Variants in MFSD6 observed in about 807,000 individuals in gnomAD.
MFSD6 encodes major facilitator superfamily domain containing 6.
In MFSD6, 26 loss-of-function variants were observed where a neutral mutation model predicts 56.3. That is an observed-to-expected ratio of 0.46 (90% CI 0.34 to 0.64). The LOEUF (loss-of-function observed/expected upper bound fraction) is 0.64. Among genes scored for constraint, MFSD6 ranks in the 30% least tolerant of loss-of-function variants. MFSD6 has a pLI of 0.01. For synonymous variants in MFSD6, 331 were observed against 366.9 expected, an observed-to-expected ratio of 0.90 and a Z score of 1.12; for missense variants, 750 against 986.2, an observed-to-expected ratio of 0.76 and a Z score of 3.21.
intron 2 of MFSD6, among the ~76,000 whole-genome samples, chr2:190,429,227 C>A (rs748516248): frequency 3.4e-5 from 5 of 148,812 alleles, no homozygotes; most frequent in Non-Finnish European, 6.0e-5. Flanking sequence ...TCTTTTGTTA[C>A]GTGTGTGTGT....
intron 2 of MFSD6, among the ~76,000 whole-genome samples, chr2:190,427,353 G>T (rs1685813487): frequency 6.6e-6 from 1 of 152,230 alleles, no homozygotes; most frequent in African/African-American, 2.4e-5. Flanking sequence ...GCCTTTGATG[G>T]TGTGGGCAGG....
chr2:190,477,170 G>A (rs901029366), intron 4 of MFSD6: 28 of 759,608 alleles, frequency 3.7e-5, no homozygotes, highest in African/African-American at 2.1e-4. Context: ...AAACCTGCAC[G>A]TTGTGCACAT....
At chr2:190,448,590 T>C (rs1686665998) in intron 3 of MFSD6, among the ~76,000 whole-genome samples, 1 of 152,232 alleles carries the variant, frequency 6.6e-6, no homozygotes. Flanking sequence ...AGTACAGTTA[T>C]ACAAATGTTA....
At chr2:190,419,509 G>A (rs886333088) in intron 2 of MFSD6, among the ~76,000 whole-genome samples, 5 of 152,218 alleles carry the variant, frequency 3.3e-5, no homozygotes, top group Admixed American at 3.3e-4. Flanking sequence ...CCCTTCTGTG[G>A]TATCCAGGGA....
At chr2:190,440,751 A>G (rs557039641) in intron 3 of MFSD6, among the ~76,000 whole-genome samples, 1 of 152,342 alleles carries the variant, frequency 6.6e-6, no homozygotes, top group East Asian at 1.9e-4. Context: ...TTGCCATGCA[A>G]ATATTATCCG....
Position 190,416,020 on chromosome 2 carries a change from A to G in MFSD6, c.-54+607A>G, listed in dbSNP as rs1234732188. ...CCCGCTGGGCTTGTTCTAAGACAGG[A>G]AGCTTATTTGAAAGGTAGAAGGAAA... On this transcript the variant is annotated intron_variant, in intron 2 of 7. Coordinates refer to ENST00000392328, the MANE Select transcript of MFSD6 (RefSeq NM_017694.4). The surrounding 1 kb of genome is among the most constrained non-coding windows in gnomAD (Gnocchi z 4.1). Among the ~76,000 whole-genome samples, 2 of 152,172 alleles carry G rather than the reference A, an allele frequency of 1.3e-5. No homozygotes were observed. The highest frequency in any genetic ancestry group is 2.4e-5 in the African/African-American group (1 of 41,426).
rs572583313 is a variant in MFSD6 at position 190,496,678 on chromosome 2, G to A, written c.1892-761G>A. 9.9e-4 allele frequency among the ~76,000 whole-genome samples: 150 copies of A among 151,818 alleles called. No individual in the cohort carries two copies. The highest frequency in any genetic ancestry group is 3.5e-3 in the African/African-American group (145 of 41,346). ...TGTATATGTGTGTGTATGTGTGTGTGTATATACACACACACACATATACAT... is the reference window on the plus strand; with the variant it reads ...TGTATATGTGTGTGTATGTGTGTGTATATATACACACACACACATATACAT... On this transcript the variant is annotated intron_variant, in intron 6 of 7. Transcript: ENST00000392328. The surrounding 1 kb of genome is among the most constrained non-coding windows in gnomAD (Gnocchi z 4.7).
chr2:190,493,998 T>C (rs1455337520), intron 6 of MFSD6, among the ~76,000 whole-genome samples: 1 of 146,236 alleles, frequency 6.8e-6, no homozygotes, highest in Non-Finnish European at 1.5e-5. Context: ...AGAAAGGAAA[T>C]AACCAAGATG....
intron 3 of MFSD6, among the ~76,000 whole-genome samples, chr2:190,460,157 C>T (rs1031068236): frequency 6.6e-6 from 1 of 152,220 alleles, no homozygotes; most frequent in African/African-American, 2.4e-5. Flanking sequence ...TTCCATTGCA[C>T]AGTGCGTCAG....
At chr2:190,480,771 A>G (rs181676883) in intron 4 of MFSD6, among the ~76,000 whole-genome samples, 120 of 152,352 alleles carry the variant, frequency 7.9e-4, no homozygotes, top group African/African-American at 2.7e-3. Context: ...AGAGGTTGAC[A>G]TGAGTATTAA....
Position 190,494,872 on chromosome 2 carries a change from GATAAAC to G in MFSD6, c.1892-2566_1892-2561del, listed in dbSNP as rs1325768075. ...ACACAGTGAAATAAAAGCCATTTGT[GATAAAC>G]CCACAGCCAACATAATACTGAACAG... is the stretch of plus-strand genomic sequence containing the variant. On this transcript the variant is annotated intron_variant, in intron 6 of 7. Transcript: ENST00000392328. This position sits in a 1 kb window ranked among gnomAD's most constrained non-coding sequence, Gnocchi z 5.7. 4.6e-5 allele frequency among the ~76,000 whole-genome samples: 7 copies of G among 152,134 alleles called. No homozygotes were observed. The highest frequency in any genetic ancestry group is 7.4e-5 in the Non-Finnish European group (5 of 68,022).
chr2:190,429,330 C>CTT (rs1329174552), intron 2 of MFSD6, among the ~76,000 whole-genome samples: 1 of 142,066 alleles, frequency 7.0e-6, no homozygotes, highest in Non-Finnish European at 1.5e-5. Flanking sequence ...AACAGAAATT[C>CTT]TTTTTTTTTT....
chr2:190,420,462 C>A (rs1181307193), intron 2 of MFSD6, among the ~76,000 whole-genome samples: 1 of 152,148 alleles, frequency 6.6e-6, no homozygotes, highest in Non-Finnish European at 1.5e-5. Flanking sequence ...CCTCCAAATA[C>A]CATCATATTG....
Position 190,415,291 on chromosome 2 carries a change from G to A in MFSD6, c.-175-1G>A, listed in dbSNP as rs1325989999. ...TCTTTTTTATTTTTATTTATTTACA[G>A]ACAGGATCTCTCTCAGTTACCCAGG... On this transcript the variant is annotated splice_acceptor_variant, in intron 1 of 7. Transcript: ENST00000392328. LOFTEE classifies it low-confidence loss of function (5UTR_SPLICE). This position sits in a 1 kb window ranked among gnomAD's most constrained non-coding sequence, Gnocchi z 4.5. The A allele has an allele frequency of 3.3e-5, 5 of 151,960 alleles. No individual in the cohort carries two copies. Among genetic ancestry groups the A allele is most frequent in the Non-Finnish European group, 5.9e-5 (4 of 68,034 alleles). The allele number at this position is 151,960 out of a possible 1,614,324, so 9.4% of individuals were successfully genotyped here.
chr2:190,442,005 G>A (rs1054494861), intron 3 of MFSD6, among the ~76,000 whole-genome samples: 1 of 152,092 alleles, frequency 6.6e-6, no homozygotes, highest in African/African-American at 2.4e-5. Context: ...AATTGATACT[G>A]TGAAGAAACA....
At chr2:190,477,874 A>G (rs915380900) in intron 4 of MFSD6, among the ~76,000 whole-genome samples, 2 of 152,182 alleles carry the variant, frequency 1.3e-5, no homozygotes, top group Admixed American at 1.3e-4. Flanking sequence ...CCCTACAAAA[A>G]TCACATAAGC....
chr2:190,433,040 T>C lies in MFSD6; in HGVS notation c.-53-2937T>C, dbSNP rs1422559055. On this transcript the variant is annotated intron_variant, in intron 2 of 7. Coordinates refer to ENST00000392328, the MANE Select transcript of MFSD6 (RefSeq NM_017694.4). The surrounding 1 kb of genome is among the most constrained non-coding windows in gnomAD (Gnocchi z 4.5). ...AGTCTTTTACCAATTGTTTACTTTC[T>C]GCTTTCCGTAATTTTATTTTATTGC... Among the ~76,000 whole-genome samples the C allele has an allele frequency of 6.6e-6, 1 of 152,258 alleles. No homozygotes were observed. The highest frequency in any genetic ancestry group is 2.4e-5 in the African/African-American group (1 of 41,466).
intron 3 of MFSD6, among the ~76,000 whole-genome samples, chr2:190,441,648 C>T (rs1266018234): frequency 6.6e-6 from 1 of 152,116 alleles, no homozygotes; most frequent in Non-Finnish European, 1.5e-5. Flanking sequence ...AGGGAAGCTA[C>T]AGATCTCTAC....
chr2:190,446,680 G>C (rs1686596523), intron 3 of MFSD6, among the ~76,000 whole-genome samples: 1 of 152,168 alleles, frequency 6.6e-6, no homozygotes, highest in Admixed American at 6.5e-5. Context: ...AAGTTGGCCA[G>C]AGATAGGGAA....
Sources: gnomAD v4.1 joint callset for allele counts (sites outside exome capture counted in the v4.1 genomes callset) on GRCh38, gnomAD v4.1.1 for gene constraint, Gnocchi (gnomAD v3.1) non-coding constraint, MANE v1.5 for transcripts, NCBI Gene and HGNC (gene_info 2026-07-23, HGNC 2026-07-21) for gene names.